The following FRK variants were observed in gnomAD, a reference collection of about 807,000 sequenced individuals.
The protein encoded by FRK is tyrosine-protein kinase FRK.
In FRK, 51 loss-of-function variants were observed where a neutral mutation model predicts 56.4. The ratio of observed to expected loss-of-function variants is 0.90; its 90% CI spans 0.72 to 1.14. The LOEUF (loss-of-function observed/expected upper bound fraction) is 1.14. FRK is among the 50% of genes most tolerant of loss of function. The pLI is 0.00. For synonymous variants in FRK, 245 were observed against 217.9 expected, an observed-to-expected ratio of 1.12 and a Z score of -1.10; for missense variants, 570 against 601.4, an observed-to-expected ratio of 0.95 and a Z score of 0.55.
At chr6:115,947,308 GACTT>G (rs1772498945) in intron 5 of FRK, among the ~76,000 whole-genome samples, 1 of 131,202 alleles carries the variant, frequency 7.6e-6, no homozygotes, top group African/African-American at 2.9e-5. Flanking sequence ...TTAAGGGAAA[GACTT>G]AAACAGTGTG....
chr6:116,010,645 C>T (rs937088639), intron 1 of FRK, among the ~76,000 whole-genome samples: 3 of 152,176 alleles, frequency 2.0e-5, no homozygotes, highest in Non-Finnish European at 4.4e-5. Flanking sequence ...TTAAGAGTGA[C>T]AGCATCTCAT....
the FRK span, among the ~76,000 whole-genome samples, chr6:116,072,322 T>TA: frequency 6.6e-6 from 1 of 152,112 alleles, no homozygotes; most frequent in Middle Eastern, 3.4e-3. Context: ...GAGGATGGGG[T>TA]AAAAAATGTC....
At chr6:115,958,767 G>GAAAGAAAGAAAGAA (rs780918574) in intron 4 of FRK, among the ~76,000 whole-genome samples, 2 of 24,236 alleles carry the variant, frequency 8.3e-5, no homozygotes, top group African/African-American at 3.0e-4. Flanking sequence ...AAGAAAGAAA[G>GAAAGAAAGAAAGAA]AGGGGGGGGA....
intron 2 of FRK, chr6:116,002,747 T>A (rs1338667): frequency 0.38 from 170,806 of 454,636 alleles, 33,929 homozygotes; most frequent in Middle Eastern, 0.48. Flanking sequence ...TACCACATTG[T>A]CTCAGTGTCA....
intron 1 of FRK, among the ~76,000 whole-genome samples, chr6:116,027,849 G>T (rs1582730757): frequency 6.6e-6 from 1 of 151,078 alleles, no homozygotes; most frequent in Admixed American, 6.6e-5. Context: ...AAAAAAAAAA[G>T]GCTGATATAT....
Position 115,933,798 on chromosome 6 carries a change from T to C in FRK, c.*8616A>G, listed in dbSNP as rs912208221. ...AACTGGTTATTTATAATTTACTCCTTGATTGCATTAGACTAGATGACTTTA... is the reference window on the plus strand; with the variant it reads ...AACTGGTTATTTATAATTTACTCCTCGATTGCATTAGACTAGATGACTTTA... On this transcript the variant is annotated 3_prime_UTR_variant, in exon 8 of 8. Transcript: ENST00000606080. 1 of 152,230 alleles carries C rather than the reference T, an allele frequency of 6.6e-6. No individual in the cohort carries two copies. The highest frequency in any genetic ancestry group is 6.5e-5 in the Admixed American group (1 of 15,286). The allele number at this position is 152,230 out of a possible 1,614,324, so 9.4% of individuals were successfully genotyped here.
Position 116,032,821 on chromosome 6 carries a change from T to G in FRK, c.344+27147A>C, listed in dbSNP as rs565603105. 2.6e-3 allele frequency among the ~76,000 whole-genome samples: 392 copies of G among 152,202 alleles called. 12 individuals carry two copies. The South Asian group carries it at 0.044, about 17-fold the overall frequency. Reference sequence around the variant, plus strand: ...TGTTTTTCCATGTTTACAGCTTTTTTGGGGTGTGTATATATTGCATTCAAT... The same window carrying G: ...TGTTTTTCCATGTTTACAGCTTTTTGGGGGTGTGTATATATTGCATTCAAT... On this transcript the variant is annotated intron_variant, in intron 1 of 7. Transcript: ENST00000606080.
At chr6:116,007,529 T>G (rs1229945692) in intron 1 of FRK, among the ~76,000 whole-genome samples, 2 of 152,208 alleles carry the variant, frequency 1.3e-5, no homozygotes, top group Admixed American at 1.3e-4. Flanking sequence ...ACCATTATTT[T>G]TGCACCAGGC....
intron 1 of FRK, among the ~76,000 whole-genome samples, chr6:116,024,708 C>T (rs373965201): frequency 2.0e-5 from 3 of 152,074 alleles, no homozygotes; most frequent in African/African-American, 4.8e-5. Context: ...CTATTGTGAA[C>T]AGTGCCACAA....
intron 6 of FRK, 105 bp downstream of exon 6, chr6:115,944,139 A>T: frequency 1.1e-6 from 1 of 919,758 alleles, no homozygotes. Flanking sequence ...GGACTACAGA[A>T]CTTGGAGAAA....
Position 115,937,878 on chromosome 6 carries a change from G to C in FRK, c.*4536C>G, listed in dbSNP as rs1037634254. 6.6e-6 allele frequency: 1 copy of C among 152,086 alleles called. No homozygotes were observed. Among genetic ancestry groups the C allele is most frequent in the African/African-American group, 2.4e-5 (1 of 41,404 alleles). 9.4% of individuals were successfully genotyped at this position (152,086 alleles called of 1,614,324 possible). On this transcript the variant is annotated 3_prime_UTR_variant, in exon 8 of 8. Coordinates refer to ENST00000606080, the MANE Select transcript of FRK (RefSeq NM_002031.3). ...CTTAGACTCCCACACAATAATAGTG[G>C]GAAATTTTAACAGCCTGCTGTCAAT...
At chr6:115,958,824 G>GAA (rs1355697428) in intron 4 of FRK, among the ~76,000 whole-genome samples, 1 of 145,418 alleles carries the variant, frequency 6.9e-6, no homozygotes, top group African/African-American at 2.6e-5. Context: ...GAAAGAAAAA[G>GAA]AAAGAAAGAA....
chr6:115,936,948 A>C lies in FRK; in HGVS notation c.*5466T>G, dbSNP rs1039435949. ...CATCCCCAACCTAGCAAGACAGGTC[A>C]ACATTCAAATTAAGGAAATACAGAG... On this transcript the variant is annotated 3_prime_UTR_variant, in exon 8 of 8. Transcript: ENST00000606080. 3 of 152,216 alleles carry C rather than the reference A, an allele frequency of 2.0e-5. No homozygotes were observed. The highest frequency in any genetic ancestry group is 1.3e-4 in the Admixed American group (2 of 15,282). The allele number at this position is 152,216 out of a possible 1,614,324, so 9.4% of individuals were successfully genotyped here.
rs1164318889 is a variant in FRK at position 115,934,144 on chromosome 6, T to A, written c.*8270A>T. The A allele has an allele frequency of 6.6e-6, 1 of 152,162 alleles. No individual in the cohort carries two copies. Among genetic ancestry groups the A allele is most frequent in the African/African-American group, 2.4e-5 (1 of 41,440 alleles). The allele number at this position is 152,162 out of a possible 1,614,324, so 9.4% of individuals were successfully genotyped here. ...ATGGGTGGATAGATAAATACAGAGA[T>A]AGATAATTCTAACCGTTAATTCACC... On this transcript the variant is annotated 3_prime_UTR_variant, in exon 8 of 8. Coordinates refer to ENST00000606080, the MANE Select transcript of FRK (RefSeq NM_002031.3).
At chr6:116,064,072 A>G (rs1339913442), upstream of FRK, among the ~76,000 whole-genome samples, 1 of 152,244 alleles carries the variant, frequency 6.6e-6, no homozygotes, top group Non-Finnish European at 1.5e-5. Context: ...GTTCTTCAGC[A>G]TGATACACAA....
chr6:116,029,263 A>C (rs926381898), intron 1 of FRK, among the ~76,000 whole-genome samples: 7 of 152,142 alleles, frequency 4.6e-5, no homozygotes, highest in African/African-American at 1.4e-4. Context: ...ATAGTCTATA[A>C]CTTACTTCTT....
At chr6:116,056,682 A>G (rs146386337) in intron 1 of FRK, among the ~76,000 whole-genome samples, 1,625 of 152,292 alleles carry the variant, frequency 0.011, 19 homozygotes, top group Non-Finnish European at 0.016. Flanking sequence ...AAACACCATA[A>G]ATAAAATATT....
At chr6:116,036,178 A>T (rs988187348) in intron 1 of FRK, among the ~76,000 whole-genome samples, 1 of 152,154 alleles carries the variant, frequency 6.6e-6, no homozygotes, top group African/African-American at 2.4e-5. Context: ...AAGAAATGAC[A>T]GAGTTTCCTT....
At chr6:116,011,279 T>G (rs1340444912) in intron 1 of FRK, among the ~76,000 whole-genome samples, 1 of 152,218 alleles carries the variant, frequency 6.6e-6, no homozygotes, top group Non-Finnish European at 1.5e-5. Flanking sequence ...AGGTAACTCA[T>G]AATTCTTATC....
Sources: allele counts gnomAD v4.1 joint callset (sites outside exome capture counted in the v4.1 genomes callset), GRCh38; gene constraint gnomAD v4.1.1; transcripts MANE v1.5; gene names NCBI Gene and HGNC (gene_info 2026-07-23, HGNC 2026-07-21).